DNAH17: variants seen among roughly 807,000 people sequenced by gnomAD.
DNAH17 encodes dynein axonemal heavy chain 17.
A neutral mutation model predicts 485.6 loss-of-function variants in DNAH17; 376 were observed. The ratio of observed to expected loss-of-function variants is 0.77; its 90% CI spans 0.71 to 0.84. The LOEUF (loss-of-function observed/expected upper bound fraction) is 0.84. Among genes scored for constraint, DNAH17 ranks in the 40% least tolerant of loss-of-function variants. DNAH17 has a pLI of 0.00. For synonymous variants in DNAH17, 3,031 were observed against 2,405.9 expected (o/e 1.26, Z -7.60); for missense variants, 6,370 against 5,839.3 (o/e 1.09, Z -2.96).
chr17:78,464,038 C>T (rs548491157), intron 56 of DNAH17, among the ~76,000 whole-genome samples: 45 of 152,210 alleles, frequency 3.0e-4, no homozygotes, highest in Non-Finnish European at 4.1e-4. Context: ...GCTCTTTTTC[C>T]CATCTTTAAA....
chr17:78,537,270 G>A lies in DNAH17; in HGVS notation c.2859+29C>T, dbSNP rs371673790. The A allele has an allele frequency of 6.5e-6, 10 of 1,547,926 alleles. No homozygotes were observed. In the African/African-American group the frequency reaches 1.1e-4, roughly 17 times the overall value. On this transcript the variant is annotated intron_variant, in intron 19 of 80. Coordinates refer to ENST00000389840, the MANE Select transcript of DNAH17 (RefSeq NM_173628.4). Reference sequence around the variant, plus strand: ...AATGGGGAAAGCAATGGATGACCCTGTGTACGGCCAGAAGAGGCCAGGACT... The same window carrying A: ...AATGGGGAAAGCAATGGATGACCCTATGTACGGCCAGAAGAGGCCAGGACT...
At chr17:78,560,266 G>C (rs878952157) in intron 13 of DNAH17, among the ~76,000 whole-genome samples, 1 of 152,176 alleles carries the variant, frequency 6.6e-6, no homozygotes, top group Non-Finnish European at 1.5e-5. Flanking sequence ...GATTTCCAAG[G>C]AAGAGCCGCA....
In DNAH17 at chr17:78,479,624, G is replaced by T; in HGVS notation, c.7761C>A (p.Phe2587Leu). ...CGGGGAAGCTCACAGCAAACACGCA[G>T]AAATGGCGCTACCCCAAAACAACCA... ...FTIDSRLQRH[F>L]CVFAVSFPGQ... Residue 2587 changes from phenylalanine (F) to leucine (L), a missense_variant, in exon 50 of 81, where the codon TTC becomes TTA. By Grantham distance (22) the Phe-to-Leu change is conservative (BLOSUM62 0). Coordinates refer to ENST00000389840, the MANE Select transcript of DNAH17 (RefSeq NM_173628.4). 1 of 1,613,058 alleles carries T rather than the reference G, an allele frequency of 6.2e-7. No homozygotes were observed. The highest frequency in any genetic ancestry group is 8.5e-7 in the Non-Finnish European group (1 of 1,179,770).
At chr17:78,574,238 C>T (rs2092401689) in intron 2 of DNAH17, among the ~76,000 whole-genome samples, 1 of 152,138 alleles carries the variant, frequency 6.6e-6, no homozygotes, top group South Asian at 2.1e-4. Context: ...GCCTATAATC[C>T]CAACAGTTTG....
Position 78,459,796 on chromosome 17 carries a change from A to T in DNAH17, c.9641T>A (p.Leu3214Gln), listed in dbSNP as rs1398396539. ...FDKEHIPEAC[L>Q]KAFKPYQGNP... ...AGCCCCGACTCACTTGAAGGCCTTCAGGCAGGCCTCAGGGATGTGCTCCTT... is the reference window on the plus strand; with the variant it reads ...AGCCCCGACTCACTTGAAGGCCTTCTGGCAGGCCTCAGGGATGTGCTCCTT... The change falls in exon 60 of 81, where the codon CTG becomes CAG. Residue 3214 changes from leucine to glutamine, a missense_variant. By Grantham distance (113) the Leu-to-Gln change is moderately radical. Coordinates refer to ENST00000389840, the MANE Select transcript of DNAH17 (RefSeq NM_173628.4). 6 of 1,613,888 alleles carry T rather than the reference A, an allele frequency of 3.7e-6. No individual in the cohort carries two copies. The highest frequency in any genetic ancestry group is 4.2e-6 in the Non-Finnish European group (5 of 1,179,876).
At chr17:78,566,971 G>A (rs896987195) in intron 10 of DNAH17, 28 bp downstream of exon 10, 1 of 1,591,956 alleles carries the variant, frequency 6.3e-7, no homozygotes, top group Non-Finnish European at 8.6e-7. Context: ...ACCGAGTCCA[G>A]TTCATCCAAC....
At chr17:78,469,269 G>A (rs1256380119) in intron 54 of DNAH17, among the ~76,000 whole-genome samples, 1 of 152,176 alleles carries the variant, frequency 6.6e-6, no homozygotes. Flanking sequence ...AGCCTCCCGA[G>A]TAGCTGGGAC....
At chr17:78,436,009 A>G (rs576527226) in intron 74 of DNAH17, among the ~76,000 whole-genome samples, 1 of 152,292 alleles carries the variant, frequency 6.6e-6, no homozygotes, top group East Asian at 1.9e-4. Context: ...CTGGTTGGGA[A>G]TTGTTAATGG....
chr17:78,480,694 G>A lies in DNAH17; in HGVS notation c.7742C>T (p.Ser2581Phe). 6.2e-7 allele frequency: 1 copy of A among 1,613,624 alleles called. No homozygotes were observed. The highest frequency in any genetic ancestry group is 8.5e-7 in the Non-Finnish European group (1 of 1,179,732). ...ATGGTTTCTGCTTACCTGAAGCCTG[G>A]AGTCGATGGTGAAGGATCCGGAAGT... ...NPTSGSFTID[S>F]RLQRHFCVFA... Residue 2581 changes from serine to phenylalanine, a missense_variant, in exon 49 of 81, where the codon TCC (serine) becomes TTC (phenylalanine). Ser to Phe is a radical substitution (Grantham distance 155). Coordinates refer to ENST00000389840, the MANE Select transcript of DNAH17 (RefSeq NM_173628.4).
chr17:78,570,311 T>C lies in DNAH17; in HGVS notation c.980A>G (p.Tyr327Cys). 2.5e-6 allele frequency: 4 copies of C among 1,605,280 alleles called. No individual in the cohort carries two copies. Among genetic ancestry groups the C allele is most frequent in the East Asian group, 2.2e-5 (1 of 44,562 alleles). The change falls in exon 7 of 81, where the codon TAC becomes TGC. Residue 327 changes from tyrosine to cysteine, a missense_variant. Transcript: ENST00000389840. ...TICFIWATSEYYNTPARIIVI... is the reference protein window; with the variant it reads ...TICFIWATSECYNTPARIIVI... ...GATGATCCTGGCAGGTGTGTTATAG[T>C]ACTCAGAGGTGGCCCAGATGAAGCA...
At chr17:78,520,189 T>A (rs2090900151) in intron 25 of DNAH17, among the ~76,000 whole-genome samples, 1 of 151,906 alleles carries the variant, frequency 6.6e-6, no homozygotes, top group Admixed American at 6.6e-5. Flanking sequence ...CACAAAAAAA[T>A]TTGACAAGAT....
intron 31 of DNAH17, 104 bp downstream of exon 31, chr17:78,505,189 C>T (rs2090447309): frequency 1.4e-6 from 2 of 1,480,278 alleles, no homozygotes; most frequent in African/African-American, 1.4e-5. Flanking sequence ...CTGGCAGCTG[C>T]ACAGGGTGCT....
rs771874360 is a variant in DNAH17 at position 78,490,791 on chromosome 17, C to T, written c.6726G>A (p.Val2242=). ...RIPLNRTMRL[V]FEISHLRTAT... ...CCGTCCTCAGGTGGCTGATTTCGAA[C>T]ACCAGCCTCATGGTGCGGTTCAGGG... The change falls in exon 44 of 81, where the codon GTG becomes GTA. Residue 2242 remains valine (V), a synonymous_variant. Coordinates refer to ENST00000389840, the MANE Select transcript of DNAH17 (RefSeq NM_173628.4). 1.2e-6 allele frequency: 2 copies of T among 1,604,374 alleles called. No individual in the cohort carries two copies. The highest frequency in any genetic ancestry group is 1.7e-5 in the Admixed American group (1 of 58,606).
intron 71 of DNAH17, among the ~76,000 whole-genome samples, chr17:78,442,414 T>C (rs1598454888): frequency 6.6e-6 from 1 of 152,160 alleles, no homozygotes; most frequent in Non-Finnish European, 1.5e-5. Flanking sequence ...CAGGCAAGGG[T>C]GGGGAGGAGT....
At chr17:78,523,251 G>A (rs2090979434) in intron 25 of DNAH17, among the ~76,000 whole-genome samples, 1 of 152,070 alleles carries the variant, frequency 6.6e-6, no homozygotes, top group African/African-American at 2.4e-5. Context: ...CGCCTCCCGA[G>A]TAGCTGAGAT....
intron 48 of DNAH17, among the ~76,000 whole-genome samples, chr17:78,482,515 T>C (rs1319211502): frequency 6.6e-6 from 1 of 152,202 alleles, no homozygotes; most frequent in African/African-American, 2.4e-5. Flanking sequence ...ATTCCTTAAC[T>C]TTCATTTAAA....
chr17:78,469,957 G>C (rs954709280), intron 54 of DNAH17, among the ~76,000 whole-genome samples: 1 of 151,902 alleles, frequency 6.6e-6, no homozygotes. Flanking sequence ...CAGAGCTTCT[G>C]TTTGGGAAGA....
At chr17:78,470,320 G>A (rs1303956679) in intron 54 of DNAH17, among the ~76,000 whole-genome samples, 12 of 150,302 alleles carry the variant, frequency 8.0e-5, no homozygotes, top group African/African-American at 2.4e-4. Context: ...TGCCCACCTC[G>A]GCCTCCCAAA....
intron 57 of DNAH17, among the ~76,000 whole-genome samples, chr17:78,462,378 A>G (rs926432198): frequency 2.0e-5 from 3 of 152,136 alleles, no homozygotes; most frequent in African/African-American, 7.2e-5. Flanking sequence ...CAGGGTGTCA[A>G]TGGTGGGCAA....
Sources: allele counts gnomAD v4.1 joint callset (sites outside exome capture counted in the v4.1 genomes callset), GRCh38; gene constraint gnomAD v4.1.1; transcripts MANE v1.5; gene names NCBI Gene and HGNC (gene_info 2026-07-23, HGNC 2026-07-21).